CHSY3: variants seen among roughly 807,000 people sequenced by gnomAD.
CHSY3 encodes the protein chondroitin sulfate synthase 3.
In CHSY3, 35 loss-of-function variants were observed where a neutral mutation model predicts 67.2. The observed-to-expected ratio is 0.52, with a 90% CI of 0.40 to 0.69. The LOEUF (loss-of-function observed/expected upper bound fraction) is 0.69. Among genes scored for constraint, CHSY3 ranks in the 30% least tolerant of loss-of-function variants. CHSY3 has a pLI of 0.00. For missense variants in CHSY3, 1,069 were observed against 1,138.5 expected, an observed-to-expected ratio of 0.94 and a Z score of 0.88; for synonymous variants, 474 against 434.7, an observed-to-expected ratio of 1.09 and a Z score of -1.12.
At chr5:130,077,848 C>CT (rs1378657919) in intron 2 of CHSY3, among the ~76,000 whole-genome samples, 2 of 151,232 alleles carry the variant, frequency 1.3e-5, no homozygotes, top group East Asian at 3.9e-4. Context: ...TATATATATT[C>CT]TTTTTTGTGA....
chr5:130,131,443 G>A (rs562895393), intron 2 of CHSY3, among the ~76,000 whole-genome samples: 1 of 152,164 alleles, frequency 6.6e-6, no homozygotes, highest in African/African-American at 2.4e-5. Flanking sequence ...TTAAAACCTT[G>A]AAATGCCTTA....
intron 2 of CHSY3, among the ~76,000 whole-genome samples, chr5:129,988,572 C>T (rs1220955004): frequency 1.3e-5 from 2 of 152,140 alleles, no homozygotes; most frequent in Admixed American, 6.5e-5. Context: ...ACTGCTATAT[C>T]CCCATCCCCT....
At chr5:129,954,760 C>A (rs1033502299) in intron 2 of CHSY3, among the ~76,000 whole-genome samples, 2 of 152,070 alleles carry the variant, frequency 1.3e-5, no homozygotes, top group Admixed American at 1.3e-4. Flanking sequence ...AATGGGAGTT[C>A]ACTCATGATT....
rs187976692 is a variant in CHSY3 at position 129,960,198 on chromosome 5, G to A, written c.1086+51838G>A. 5.9e-5 allele frequency among the ~76,000 whole-genome samples: 9 copies of A among 152,048 alleles called. No individual in the cohort carries two copies. In the East Asian group the frequency reaches 1.4e-3, roughly 23 times the overall value. ...AGGATTCTTTCTCTCCCTGTTTGAC[G>A]TTGTCCACAGAAGGGCTGGTAGAGT... On this transcript the variant is annotated intron_variant, in intron 2 of 2. Coordinates refer to ENST00000305031, the MANE Select transcript of CHSY3 (RefSeq NM_175856.5).
chr5:129,974,791 C>G (rs1197180489), intron 2 of CHSY3: 1 of 152,106 alleles, frequency 6.6e-6, no homozygotes, highest in Non-Finnish European at 1.5e-5. Context: ...TGTTTTTTAT[C>G]TGTAGAAAGG....
intron 2 of CHSY3, among the ~76,000 whole-genome samples, chr5:130,072,877 GAA>G (rs1766128381): frequency 6.6e-6 from 1 of 152,118 alleles, no homozygotes; most frequent in Non-Finnish European, 1.5e-5. Context: ...TATGCTAAGT[GAA>G]ATAAGTCAGG....
intron 2 of CHSY3, among the ~76,000 whole-genome samples, chr5:129,912,680 T>G (rs1760605781): frequency 6.6e-6 from 1 of 152,200 alleles, no homozygotes; most frequent in Non-Finnish European, 1.5e-5. Context: ...TCCAGATATC[T>G]TAAAAGATCA....
At chr5:129,978,934 C>G (rs971062644) in intron 2 of CHSY3, among the ~76,000 whole-genome samples, 1 of 151,814 alleles carries the variant, frequency 6.6e-6, no homozygotes, top group Non-Finnish European at 1.5e-5. Context: ...CGTGGTGGCT[C>G]ACGCCTGTAA....
At chr5:129,905,679 T>C in intron 1 of CHSY3, 48 bp downstream of exon 1, 2 of 1,597,110 alleles carry the variant, frequency 1.3e-6, no homozygotes, top group Non-Finnish European at 1.7e-6. Context: ...CCCCGACTCC[T>C]TTCTCTGTAA....
At chr5:130,079,032 A>G (rs767956156) in intron 2 of CHSY3, among the ~76,000 whole-genome samples, 1 of 152,182 alleles carries the variant, frequency 6.6e-6, no homozygotes, top group Non-Finnish European at 1.5e-5. Flanking sequence ...AGGATTGATG[A>G]GATTATATTT....
At chr5:130,077,505 G>A (rs1022463446) in intron 2 of CHSY3, among the ~76,000 whole-genome samples, 2 of 152,084 alleles carry the variant, frequency 1.3e-5, no homozygotes, top group African/African-American at 2.4e-5. Context: ...ACGTTGGACC[G>A]CTAATATCCA....
chr5:130,046,418 A>G (rs1765151005), intron 2 of CHSY3, among the ~76,000 whole-genome samples: 1 of 152,138 alleles, frequency 6.6e-6, no homozygotes, highest in Non-Finnish European at 1.5e-5. Flanking sequence ...AGGTGCTTCA[A>G]AATTAAATTT....
intron 2 of CHSY3, among the ~76,000 whole-genome samples, chr5:130,095,800 G>C (rs912586437): frequency 1.3e-5 from 2 of 152,312 alleles, no homozygotes; most frequent in South Asian, 4.1e-4. Context: ...GAAAAAAGTA[G>C]TAACTTGACA....
intron 2 of CHSY3, among the ~76,000 whole-genome samples, chr5:130,045,463 C>T (rs1054316654): frequency 3.3e-5 from 5 of 152,046 alleles, no homozygotes; most frequent in South Asian, 2.1e-4. Context: ...GCACACAGAA[C>T]GCACAGGGGA....
intron 2 of CHSY3, among the ~76,000 whole-genome samples, chr5:129,976,114 A>C (rs1352090883): frequency 1.3e-5 from 2 of 152,192 alleles, no homozygotes; most frequent in Non-Finnish European, 2.9e-5. Context: ...TCTACTTGAT[A>C]CAATAGTTGG....
intron 2 of CHSY3, among the ~76,000 whole-genome samples, chr5:130,019,560 A>G (rs1404516285): frequency 6.6e-6 from 1 of 152,136 alleles, no homozygotes; most frequent in Non-Finnish European, 1.5e-5. Flanking sequence ...CCCTTAGATC[A>G]CTGCATTTCC....
intron 2 of CHSY3, among the ~76,000 whole-genome samples, chr5:130,176,966 C>T (rs1770073475): frequency 6.6e-6 from 1 of 151,986 alleles, no homozygotes; most frequent in Non-Finnish European, 1.5e-5. Context: ...ACATGTATCC[C>T]AGAACTTAAA....
chr5:130,029,728 C>T (rs1415119173), intron 2 of CHSY3, among the ~76,000 whole-genome samples: 1 of 151,776 alleles, frequency 6.6e-6, no homozygotes, highest in Non-Finnish European at 1.5e-5. Context: ...TTATATCTAC[C>T]AGAACTTCAG....
rs559393265 is a variant in CHSY3, at chr5:129,935,790, T to C, written c.1086+27430T>C. Among the ~76,000 whole-genome samples the C allele has an allele frequency of 1.6e-4, 24 of 152,352 alleles. No homozygotes were observed. In the South Asian group the frequency reaches 2.3e-3, roughly 14 times the overall value. On this transcript the variant is annotated intron_variant, in intron 2 of 2. Transcript: ENST00000305031. ...AACTGAAGCTGCCACATGTCAAGTG[T>C]TGACTTGTATGGCTCATAAATCACC...
Sources: allele counts gnomAD v4.1 joint callset (sites outside exome capture counted in the v4.1 genomes callset), GRCh38; gene constraint gnomAD v4.1.1; transcripts MANE v1.5; gene names NCBI Gene and HGNC (gene_info 2026-07-23, HGNC 2026-07-21).